The following SPECC1 variants were observed in gnomAD, a reference collection of about 807,000 sequenced individuals.
The protein encoded by SPECC1 is cytospin-B.
Under a neutral mutation model 104.1 loss-of-function variants are expected in SPECC1, and 62 were observed. The observed-to-expected ratio is 0.60, with a 90% CI of 0.49 to 0.74. SPECC1 has a LOEUF of 0.74. SPECC1 is among the 30% of genes least tolerant of loss of function. The probability of loss-of-function intolerance (pLI) is 0.00; values close to 1 mark genes in which losing one functional copy is unlikely to be tolerated. For synonymous variants in SPECC1, 513 were observed against 501.6 expected (o/e 1.02, Z -0.30); for missense variants, 1,306 against 1,310.5 (o/e 1.00, Z 0.05).
chr17:20,222,608 A>G (rs972004124), intron 4 of SPECC1, among the ~76,000 whole-genome samples: 4 of 152,194 alleles, frequency 2.6e-5, no homozygotes, highest in Admixed American at 1.3e-4. Flanking sequence ...TTCTCTTGAT[A>G]GATTCATCTT....
intron 1 of SPECC1, chr17:20,017,710 T>C (rs2044202126): frequency 6.6e-6 from 1 of 152,214 alleles, no homozygotes; most frequent in South Asian, 2.1e-4. Context: ...TTTGCACAAA[T>C]AGTAGCATTA....
At chr17:20,100,154 G>C (rs1232706498) in intron 2 of SPECC1, among the ~76,000 whole-genome samples, 1 of 151,986 alleles carries the variant, frequency 6.6e-6, no homozygotes, top group Non-Finnish European at 1.5e-5. Flanking sequence ...CGCATATTAG[G>C]GGCCTTCTGC....
chr17:20,162,353 A>G (rs1164889439), intron 3 of SPECC1, among the ~76,000 whole-genome samples: 1 of 150,076 alleles, frequency 6.7e-6, no homozygotes, highest in Non-Finnish European at 1.5e-5. Context: ...TCACCGCGTT[A>G]GCCAGGCTGG....
At chr17:20,013,949 G>A (rs2044029682) in intron 1 of SPECC1, among the ~76,000 whole-genome samples, 1 of 152,184 alleles carries the variant, frequency 6.6e-6, no homozygotes. Context: ...CACGTCTTTT[G>A]TTGAGTGAGT....
intron 3 of SPECC1, chr17:20,155,818 C>A (rs2032419869): frequency 4.3e-6 from 3 of 691,770 alleles, no homozygotes; most frequent in Non-Finnish European, 3.7e-6. Context: ...AGCCGGTCAG[C>A]CGGTGCGTCC....
At chr17:20,068,579 C>T (rs967820748) in intron 1 of SPECC1, among the ~76,000 whole-genome samples, 5 of 152,162 alleles carry the variant, frequency 3.3e-5, no homozygotes, top group East Asian at 1.9e-4. Context: ...TTCACAGTGG[C>T]TGTACTTTTT....
chr17:20,216,211 G>T (rs904680956), intron 4 of SPECC1, among the ~76,000 whole-genome samples: 4 of 152,126 alleles, frequency 2.6e-5, no homozygotes, highest in Non-Finnish European at 4.4e-5. Context: ...CTAGATGTGT[G>T]TGTTGCCACC....
chr17:20,281,147 A>G (rs2040757351), intron 12 of SPECC1, among the ~76,000 whole-genome samples: 1 of 152,138 alleles, frequency 6.6e-6, no homozygotes, highest in African/African-American at 2.4e-5. Flanking sequence ...GGGTGAAACC[A>G]TGTGCTGTAA....
intron 14 of SPECC1, among the ~76,000 whole-genome samples, chr17:20,310,425 TGACTGGTGTGA>T (rs1346918431): frequency 6.6e-6 from 1 of 152,206 alleles, no homozygotes; most frequent in African/African-American, 2.4e-5. Flanking sequence ...ATAGCCATTC[TGACTGGTGTGA>T]GATGATGAGA....
intron 14 of SPECC1, among the ~76,000 whole-genome samples, chr17:20,310,731 A>C (rs1438111051): frequency 6.6e-6 from 1 of 152,228 alleles, no homozygotes; most frequent in East Asian, 1.9e-4. Context: ...GGGTGCTGGC[A>C]TGCCCCCGTG....
chr17:20,109,101 A>G (rs2152521460), intron 2 of SPECC1, among the ~76,000 whole-genome samples: 1 of 152,290 alleles, frequency 6.6e-6, no homozygotes, highest in Non-Finnish European at 1.5e-5. Flanking sequence ...TTCACTTTCA[A>G]ACTATGGTGG....
At chr17:20,229,293 A>G (rs2038425380) in intron 5 of SPECC1, among the ~76,000 whole-genome samples, 1 of 152,076 alleles carries the variant, frequency 6.6e-6, no homozygotes. Context: ...CTACAGAGAA[A>G]ACACGTGTAT....
intron 7 of SPECC1, chr17:20,238,140 TC>T: frequency 1.9e-6 from 2 of 1,030,696 alleles, no homozygotes; most frequent in Non-Finnish European, 2.3e-6. Flanking sequence ...ATTTCCAGAA[TC>T]TTGTTGGGTT....
chr17:20,107,944 A>G (rs780935224), intron 2 of SPECC1, among the ~76,000 whole-genome samples: 8 of 152,224 alleles, frequency 5.3e-5, no homozygotes, highest in East Asian at 1.9e-4. Flanking sequence ...CAAGGCTGCA[A>G]TGAGCCATGT....
At chr17:20,188,616 A>G (rs926000610) in intron 3 of SPECC1, among the ~76,000 whole-genome samples, 5 of 152,142 alleles carry the variant, frequency 3.3e-5, no homozygotes, top group African/African-American at 1.2e-4. Context: ...CGTTGGGCAA[A>G]TTATGAAGTC....
intron 1 of SPECC1, among the ~76,000 whole-genome samples, chr17:20,018,988 C>G (rs887152021): frequency 2.0e-5 from 3 of 152,068 alleles, no homozygotes; most frequent in Non-Finnish European, 4.4e-5. Flanking sequence ...ACAGTGAGTC[C>G]CTCTTTCCAG....
At chr17:20,198,224 G>T (rs1263659739) in intron 3 of SPECC1, among the ~76,000 whole-genome samples, 1 of 152,206 alleles carries the variant, frequency 6.6e-6, no homozygotes, top group African/African-American at 2.4e-5. Flanking sequence ...CCCCAAATGG[G>T]CCCCGTCATC....
In SPECC1 at chr17:20,254,069, A is replaced by G. The variant is rs1057470684; in HGVS notation, c.2680+483A>G. Among the ~76,000 whole-genome samples, 8 of 151,564 alleles carry G rather than the reference A, an allele frequency of 5.3e-5. No homozygotes were observed. In the East Asian group the frequency reaches 5.8e-4, roughly 11 times the overall value. ...TTTGAATTTGTCTGCTACTTCTGCA[A>G]TTCTTAAAATTTGCCCCTTTAAAGG... On this transcript the variant is annotated intron_variant, in intron 10 of 14. Coordinates refer to ENST00000395527, the MANE Select transcript of SPECC1 (RefSeq NM_001243439.2).
intron 7 of SPECC1, 132 bp downstream of exon 7, chr17:20,232,537 G>C (rs2038661322): frequency 1.0e-6 from 1 of 994,454 alleles, no homozygotes; most frequent in Admixed American, 2.5e-5. Flanking sequence ...TGAATTACTA[G>C]CACCACCTTA....
Sources: allele counts gnomAD v4.1 joint callset (sites outside exome capture counted in the v4.1 genomes callset), GRCh38; gene constraint gnomAD v4.1.1; transcripts MANE v1.5; gene names NCBI Gene and HGNC (gene_info 2026-07-23, HGNC 2026-07-21).